CACNB1: variants seen among roughly 807,000 people sequenced by gnomAD.
CACNB1 encodes voltage-dependent L-type calcium channel subunit beta-1.
Under a neutral mutation model 71.6 loss-of-function variants are expected in CACNB1, and 29 were observed. The ratio of observed to expected loss-of-function variants is 0.40; its 90% CI spans 0.30 to 0.55. The LOEUF (loss-of-function observed/expected upper bound fraction) is 0.55, where lower values mean the gene tolerates loss of function less well. Among genes scored for constraint, CACNB1 ranks in the 20% least tolerant of loss-of-function variants. The pLI is 0.38. For missense variants in CACNB1, 623 were observed against 801.8 expected (o/e 0.78, Z 2.69); for synonymous variants, 300 against 319.6 (o/e 0.94, Z 0.65).
intron 11 of CACNB1, chr17:39,178,371 T>G: frequency 4.4e-6 from 1 of 228,980 alleles, no homozygotes; most frequent in Non-Finnish European, 8.4e-6. Context: ...GCCCGCCCAC[T>G]CTCCTTTTTT....
Position 39,188,765 on chromosome 17 carries a change from G to C in CACNB1, c.292-1164C>G, listed in dbSNP as rs923401115. On this transcript the variant is annotated intron_variant, in intron 3 of 13. Coordinates refer to ENST00000394303, the MANE Select transcript of CACNB1 (RefSeq NM_000723.5). ...GAAAAAATAATAATAATAGCAGGCC[G>C]GGCACGGTGGCTCACTGCTGTAATC... 3.3e-5 allele frequency among the ~76,000 whole-genome samples: 5 copies of C among 152,202 alleles called. No homozygotes were observed. In the South Asian group the frequency reaches 1.0e-3, roughly 32 times the overall value.
At chr17:39,179,468 C>G (rs1187753577) in intron 11 of CACNB1, among the ~76,000 whole-genome samples, 1 of 151,126 alleles carries the variant, frequency 6.6e-6, no homozygotes, top group Non-Finnish European at 1.5e-5. Context: ...GTAGACCCAG[C>G]TACTTGGGAG....
chr17:39,183,223 G>T (rs565788866), intron 11 of CACNB1, among the ~76,000 whole-genome samples: 1 of 151,956 alleles, frequency 6.6e-6, no homozygotes, highest in Admixed American at 6.6e-5. Context: ...TCCCAGCTAC[G>T]TGGGAGGCCG....
At chr17:39,179,578 C>CAA (rs35250365) in intron 11 of CACNB1, among the ~76,000 whole-genome samples, 4 of 92,554 alleles carry the variant, frequency 4.3e-5, no homozygotes, top group Admixed American at 1.2e-4. Flanking sequence ...GACTCTGTCT[C>CAA]AAAAAAAAAA....
chr17:39,187,156 G>A (rs2045960962), intron 4 of CACNB1: 1 of 605,772 alleles, frequency 1.7e-6, no homozygotes, highest in Non-Finnish European at 2.9e-6. Flanking sequence ...CCGGCCCAAT[G>A]CAATTCTGAG....
At chr17:39,193,342 G>A in intron 2 of CACNB1, 1 of 357,578 alleles carries the variant, frequency 2.8e-6, no homozygotes, top group Non-Finnish European at 5.7e-6. Flanking sequence ...GCAGAAGACA[G>A]GAAACAGTGA....
At position 39,193,277 on chromosome 17, in the gene CACNB1, TAC is replaced by T. The variant is rs935964285; in HGVS notation, c.171+1605_171+1606del. 70 of 316,714 alleles carry T rather than the reference TAC, an allele frequency of 2.2e-4. No homozygotes were observed. The East Asian group carries it at 2.4e-3, about 11-fold the overall frequency. The allele number at this position is 316,714 out of a possible 1,614,324, so 19.6% of individuals were successfully genotyped here. The stretch of plus-strand genomic sequence containing the variant: ...ACACACATGTAGGCATGCGCACACA[TAC>T]ACACACATATGCAGACACATGTACG... On this transcript the variant is annotated intron_variant, in intron 2 of 13. Coordinates refer to ENST00000394303, the MANE Select transcript of CACNB1 (RefSeq NM_000723.5).
At chr17:39,176,330 G>A (rs2052731278) in intron 13 of CACNB1, among the ~76,000 whole-genome samples, 1 of 152,122 alleles carries the variant, frequency 6.6e-6, no homozygotes, top group Non-Finnish European at 1.5e-5. Context: ...GGCACAAGAG[G>A]GGTTCCAGTC....
rs542763889 is a variant in CACNB1, at chr17:39,175,559, G to T, written c.1431C>A (p.Gly477=). 38 of 1,613,442 alleles carry T rather than the reference G, an allele frequency of 2.4e-5. No homozygotes were observed. The South Asian group carries it at 4.0e-4, about 17-fold the overall frequency. ...EYPGELGQPP[G]LYPSSHPPGR... ...CTGGTGGGTGGCTGCTGGGGTAAAG[G>T]CCTGGGGGCTGGCCCAGCTCCCCTG... Residue 477 remains glycine, a synonymous_variant, in exon 14 of 14, where the codon GGC becomes GGA. Coordinates refer to ENST00000394303, the MANE Select transcript of CACNB1 (RefSeq NM_000723.5). The surrounding 1 kb of genome is among the most constrained non-coding windows in gnomAD (Gnocchi z 4.7).
chr17:39,177,880 G>C (rs1198921210), intron 12 of CACNB1, 104 bp downstream of exon 12: 4 of 917,246 alleles, frequency 4.4e-6, no homozygotes, highest in Non-Finnish European at 7.2e-6. Context: ...CCACAGGCCT[G>C]ACCCAGGTGT....
chr17:39,197,624 G>T lies in CACNB1; in HGVS notation c.-129C>A. 1.6e-6 allele frequency: 1 copy of T among 643,706 alleles called. No individual in the cohort carries two copies. Among genetic ancestry groups the T allele is most frequent in the Non-Finnish European group, 2.6e-6 (1 of 386,286 alleles). The allele number at this position is 643,706 out of a possible 1,614,324, so 39.9% of individuals were successfully genotyped here. On this transcript the variant is annotated 5_prime_UTR_variant, in exon 1 of 14. Coordinates refer to ENST00000394303, the MANE Select transcript of CACNB1 (RefSeq NM_000723.5). The stretch of plus-strand genomic sequence containing the variant: ...GGTCCAGCCACCCAGCTCGGCCTTC[G>T]GCTGCCTCCTTCCTGCCTTCCCTCG...
chr17:39,176,827 T>C (rs2045590211), intron 13 of CACNB1, among the ~76,000 whole-genome samples: 2 of 152,118 alleles, frequency 1.3e-5, no homozygotes, highest in Admixed American at 6.6e-5. Context: ...CATCAAGTCA[T>C]AGAAGATGCC....
At position 39,197,581 on chromosome 17, in the gene CACNB1, G is replaced by C; in HGVS notation, c.-86C>G. On this transcript the variant is annotated 5_prime_UTR_variant, in exon 1 of 14. Coordinates refer to ENST00000394303, the MANE Select transcript of CACNB1 (RefSeq NM_000723.5). ...AGAGGCCGTGGGAGCCGAAAGCAGC[G>C]CGGCGCAGCCAGCACCCGGTCCAGC... 1.0e-5 allele frequency: 11 copies of C among 1,063,880 alleles called. No homozygotes were observed. Among genetic ancestry groups the C allele is most frequent in the Non-Finnish European group, 1.5e-5 (11 of 757,846 alleles). The allele number at this position is 1,063,880 out of a possible 1,614,324, so 65.9% of individuals were successfully genotyped here. A position where few individuals can be genotyped will look rare whatever the true frequency, so the allele number is the denominator to read the frequency against.
At chr17:39,176,804 G>C (rs923134611) in intron 13 of CACNB1, among the ~76,000 whole-genome samples, 13 of 152,258 alleles carry the variant, frequency 8.5e-5, no homozygotes, top group Middle Eastern at 3.4e-3. Flanking sequence ...TGGGAGAATG[G>C]TGGAAGGTTC....
chr17:39,195,680 C>T (rs2046188204), intron 1 of CACNB1, among the ~76,000 whole-genome samples: 1 of 152,168 alleles, frequency 6.6e-6, no homozygotes, highest in African/African-American at 2.4e-5. Context: ...AGGACTTTTT[C>T]TCAGCTCCCT....
rs965055579 is a variant in CACNB1 at position 39,186,347 on chromosome 17, T to C, written c.628+149A>G. On this transcript the variant is annotated intron_variant, in intron 6 of 13. Transcript: ENST00000394303. This position sits in a 1 kb window ranked among gnomAD's most constrained non-coding sequence, Gnocchi z 4.1. The stretch of plus-strand genomic sequence containing the variant: ...GACAGGCCCAGCTTGAGGGGTAGCC[T>C]ACTCTTCATGGAGGGGGAACCACTG... 4.6e-6 allele frequency: 3 copies of C among 650,606 alleles called. No homozygotes were observed. In the East Asian group the frequency reaches 8.2e-5, roughly 18 times the overall value. The allele number at this position is 650,606 out of a possible 1,614,324, so 40.3% of individuals were successfully genotyped here. A position where few individuals can be genotyped will look rare whatever the true frequency, so the allele number is the denominator to read the frequency against.
intron 11 of CACNB1, among the ~76,000 whole-genome samples, chr17:39,183,337 A>AGAAGAAGAAGAAGAAG (rs1555581643): frequency 1.5e-5 from 2 of 130,186 alleles, no homozygotes; most frequent in Non-Finnish European, 3.7e-5. Flanking sequence ...GACTTAAAAA[A>AGAAGAAGAAGAAGAAG]AAGAAGAAGA....
At chr17:39,185,210 A>G in intron 6 of CACNB1, 60 bp from the exon 7 acceptor site, 2 of 1,339,006 alleles carry the variant, frequency 1.5e-6, no homozygotes, top group Non-Finnish European at 2.2e-6. Context: ...GGACCCAGGC[A>G]GGGGCAGAGG....
intron 3 of CACNB1, among the ~76,000 whole-genome samples, chr17:39,190,530 C>T (rs1019582475): frequency 2.0e-5 from 3 of 152,096 alleles, no homozygotes; most frequent in East Asian, 3.9e-4. Flanking sequence ...TTAGTTCAAG[C>T]GATTCTGGTG....
Sources: gnomAD v4.1 joint callset for allele counts (sites outside exome capture counted in the v4.1 genomes callset) on GRCh38, gnomAD v4.1.1 for gene constraint, Gnocchi (gnomAD v3.1) non-coding constraint, MANE v1.5 for transcripts, NCBI Gene and HGNC (gene_info 2026-07-23, HGNC 2026-07-21) for gene names.